Variants in TRHDE observed in about 807,000 individuals in gnomAD.
TRHDE encodes thyrotropin releasing hormone degrading enzyme, also known as thyrotropin-releasing hormone-degrading ectoenzyme.
TRHDE carries 72 observed loss-of-function variants against 125.7 expected under a neutral mutation model. The ratio of observed to expected loss-of-function variants is 0.57; its 90% confidence interval spans 0.47 to 0.70. The LOEUF is 0.70. TRHDE is among the 30% of genes least tolerant of loss of function. The pLI is 0.00. For synonymous variants in TRHDE, 509 were observed against 509.1 expected (o/e 1.00, Z 0.00); for missense variants, 1,110 against 1,327.1 (o/e 0.84, Z 2.54).
chr12:72,469,759 T>C lies in TRHDE; in HGVS notation c.1317T>C (p.Asp439=). 1 of 1,613,666 alleles carries C rather than the reference T, an allele frequency of 6.2e-7. No homozygotes were observed. Among genetic ancestry groups the C allele is most frequent in the African/African-American group, 1.3e-5 (1 of 75,008 alleles). ...FKVPYSLPKL[D]LLAVPKHPYA... ...GGAACTGTTTTATTTTATTTCTAGATCTTTTAGCTGTGCCTAAGCATCCGT... is the reference window on the plus strand; with the variant it reads ...GGAACTGTTTTATTTTATTTCTAGACCTTTTAGCTGTGCCTAAGCATCCGT... The change falls in exon 4 of 19, where the codon GAT becomes GAC. Residue 439 remains aspartate (D), a splice_region_variant and synonymous_variant. Transcript: ENST00000261180.
chr12:72,423,955 C>A (rs1336680985), intron 3 of TRHDE, among the ~76,000 whole-genome samples: 4 of 152,112 alleles, frequency 2.6e-5, no homozygotes, highest in African/African-American at 9.7e-5. Context: ...GCAAAGAAGA[C>A]AAGAAACAGA....
rs560407276 is a variant in TRHDE, at chr12:72,585,925, C to G, written c.2321+10383C>G. ...GAATATATGAATACAGGTACTAATA[C>G]AGGCTTTATGTTTGGGTAATTACTT... is the stretch of plus-strand genomic sequence containing the variant. On this transcript the variant is annotated intron_variant, in intron 12 of 18. Transcript: ENST00000261180. Among the ~76,000 whole-genome samples the G allele has an allele frequency of 1.2e-4, 18 of 152,226 alleles. No homozygotes were observed. The South Asian group carries it at 3.3e-3, about 28-fold the overall frequency.
intron 2 of TRHDE, among the ~76,000 whole-genome samples, chr12:72,192,287 T>C (rs1408542001): frequency 6.6e-6 from 1 of 152,140 alleles, no homozygotes; most frequent in Non-Finnish European, 1.5e-5. Flanking sequence ...CCAAGTGATA[T>C]CGATGCTTCT....
chr12:72,619,395 A>T (rs1226163170), intron 13 of TRHDE, among the ~76,000 whole-genome samples: 1 of 152,174 alleles, frequency 6.6e-6, no homozygotes, highest in Non-Finnish European at 1.5e-5. Flanking sequence ...GAATATAGGC[A>T]TTTTCAGTAA....
chr12:72,614,011 G>C (rs73146978), intron 12 of TRHDE, among the ~76,000 whole-genome samples: 1 of 151,898 alleles, frequency 6.6e-6, no homozygotes, highest in Non-Finnish European at 1.5e-5. Context: ...CATATCACCC[G>C]GCAAAAGTAG....
intron 12 of TRHDE, among the ~76,000 whole-genome samples, chr12:72,578,424 C>T (rs980714404): frequency 1.3e-5 from 2 of 152,064 alleles, no homozygotes; most frequent in African/African-American, 4.8e-5. Context: ...ATCCTCATTC[C>T]CCTTGACTGT....
chr12:72,372,449 C>T (rs1183418064), intron 2 of TRHDE, among the ~76,000 whole-genome samples: 2 of 152,138 alleles, frequency 1.3e-5, no homozygotes, highest in Non-Finnish European at 1.5e-5. Flanking sequence ...GTGTTTTAGA[C>T]ATGAAGTCTT....
In TRHDE at chr12:72,653,053, G is replaced by A. The variant is rs770407748; in HGVS notation, c.2881G>A (p.Asp961Asn). Residue 961 changes from aspartate to asparagine, a missense_variant, in exon 17 of 19, where the codon GAT (aspartate) becomes AAT (asparagine). This residue lies in a region of TRHDE where 527 missense variants were observed against 651.8 expected (regional missense o/e 0.81). Coordinates refer to ENST00000261180, the MANE Select transcript of TRHDE (RefSeq NM_013381.3). Reference sequence around the variant, plus strand: ...GTCACTGAATTCTGAGGTGGTGCTGGATCAAGATGCAATTGATGTCATAAT... The same window carrying A: ...GTCACTGAATTCTGAGGTGGTGCTGAATCAAGATGCAATTGATGTCATAAT... The part of the protein sequence containing the change: ...NLSLNSEVVL[D>N]QDAIDVIIHV... 6 of 1,606,102 alleles carry A rather than the reference G, an allele frequency of 3.7e-6. No individual in the cohort carries two copies. The highest frequency in any genetic ancestry group is 4.3e-6 in the Non-Finnish European group (5 of 1,175,496).
intron 7 of TRHDE, among the ~76,000 whole-genome samples, chr12:72,559,430 C>G (rs1278177777): frequency 6.6e-6 from 1 of 152,192 alleles, no homozygotes; most frequent in Non-Finnish European, 1.5e-5. Context: ...GCTCTTGTTA[C>G]TGCATTTTAA....
intron 15 of TRHDE, among the ~76,000 whole-genome samples, chr12:72,640,349 C>T (rs1011366946): frequency 6.6e-6 from 1 of 152,228 alleles, no homozygotes; most frequent in Non-Finnish European, 1.5e-5. Flanking sequence ...GGCAATGCCT[C>T]GCCCTGCTTT....
At chr12:72,481,671 A>G (rs934438577) in intron 5 of TRHDE, among the ~76,000 whole-genome samples, 4 of 151,716 alleles carry the variant, frequency 2.6e-5, no homozygotes, top group Admixed American at 6.6e-5. Context: ...TTTTTGCTAG[A>G]ACATGTTTTG....
At chr12:72,375,877 C>T (rs958507351) in intron 2 of TRHDE, among the ~76,000 whole-genome samples, 1 of 152,284 alleles carries the variant, frequency 6.6e-6, no homozygotes, top group African/African-American at 2.4e-5. Flanking sequence ...TGAATGAATG[C>T]ACAAATTAAT....
intron 1 of TRHDE, among the ~76,000 whole-genome samples, chr12:72,279,606 C>T (rs970069635): frequency 2.0e-5 from 3 of 152,108 alleles, no homozygotes; most frequent in African/African-American, 7.2e-5. Context: ...CTGCTTTTTC[C>T]AGTTTCCTGG....
At chr12:72,216,587 A>G (rs1479818309) in intron 2 of TRHDE, among the ~76,000 whole-genome samples, 1 of 152,194 alleles carries the variant, frequency 6.6e-6, no homozygotes, top group Non-Finnish European at 1.5e-5. Context: ...CTCCTGTAAA[A>G]TATGCACCTT....
chr12:72,668,490 A>G lies in TRHDE; in HGVS notation c.*5295A>G, dbSNP rs746650460. 1.4e-4 allele frequency: 21 copies of G among 151,820 alleles called. No individual in the cohort carries two copies. The highest frequency in any genetic ancestry group is 2.5e-4 in the Non-Finnish European group (17 of 67,822). The allele number at this position is 151,820 out of a possible 1,614,324, so 9.4% of individuals were successfully genotyped here. ...GTACTTTAGGGATAGTATTTTGAAG[A>G]TGTTTATCTTTTGTACATTCCTAGT... On this transcript the variant is annotated 3_prime_UTR_variant, in exon 19 of 19. Transcript: ENST00000261180.
intron 3 of TRHDE, among the ~76,000 whole-genome samples, chr12:72,389,736 G>T (rs1232452186): frequency 1.3e-5 from 2 of 152,154 alleles, no homozygotes; most frequent in Non-Finnish European, 2.9e-5. Flanking sequence ...ATCTTATTAG[G>T]TGTTAGGTCT....
intron 2 of TRHDE, among the ~76,000 whole-genome samples, chr12:72,235,471 T>C (rs1243414598): frequency 6.6e-6 from 1 of 152,200 alleles, no homozygotes; most frequent in Non-Finnish European, 1.5e-5. Context: ...CTCTTAACCA[T>C]ACTACGCTAA....
At chr12:72,199,074 T>C (rs1288894812) in intron 2 of TRHDE, among the ~76,000 whole-genome samples, 1 of 152,064 alleles carries the variant, frequency 6.6e-6, no homozygotes, top group Non-Finnish European at 1.5e-5. Flanking sequence ...GATCTAATCA[T>C]CTCCCACCAG....
At chr12:72,240,011 C>A (rs1341274836) in intron 2 of TRHDE, among the ~76,000 whole-genome samples, 1 of 152,174 alleles carries the variant, frequency 6.6e-6, no homozygotes, top group Non-Finnish European at 1.5e-5. Flanking sequence ...TTTACTGGAA[C>A]TACTTTTGCG....
Sources: gnomAD v4.1 joint callset for allele counts (sites outside exome capture counted in the v4.1 genomes callset) on GRCh38, gnomAD v4.1.1 for gene constraint, gnomAD v4.1.1 regional missense constraint, MANE v1.5 for transcripts, NCBI Gene and HGNC (gene_info 2026-07-23, HGNC 2026-07-21) for gene names.